Variants in SPOCK3 observed in about 807,000 individuals in gnomAD.
SPOCK3 encodes the protein testican-3.
In SPOCK3, 30 loss-of-function variants were observed where a neutral mutation model predicts 56.6. That is an observed-to-expected ratio of 0.53 (90% CI 0.40 to 0.72). The LOEUF (loss-of-function observed/expected upper bound fraction) is 0.72. SPOCK3 is among the 30% of genes least tolerant of loss of function. SPOCK3 has a pLI of 0.00. For missense variants in SPOCK3, 527 were observed against 530.0 expected (o/e 0.99, Z 0.06); for synonymous variants, 196 against 183.3 (o/e 1.07, Z -0.56).
intron 3 of SPOCK3, among the ~76,000 whole-genome samples, chr4:167,015,303 T>C (rs71620411): frequency 0.026 from 4,031 of 152,190 alleles, 83 homozygotes; most frequent in Middle Eastern, 0.061. Flanking sequence ...ACTCTAAAAA[T>C]GAAAAGAGGC....
At chr4:166,909,329 A>T (rs1242272381) in intron 5 of SPOCK3, among the ~76,000 whole-genome samples, 1 of 152,020 alleles carries the variant, frequency 6.6e-6, no homozygotes, top group African/African-American at 2.4e-5. Context: ...TCATTTGGCT[A>T]AAGTCTTTCT....
rs182871606 is a variant in SPOCK3 at position 166,847,521 on chromosome 4, T to C, written c.589+41609A>G. Among the ~76,000 whole-genome samples the C allele has an allele frequency of 3.1e-3, 463 of 151,460 alleles. 3 individuals are homozygous for C. Among genetic ancestry groups the C allele is most frequent in the African/African-American group, 0.011 (441 of 41,408 alleles). On this transcript the variant is annotated intron_variant, in intron 6 of 10. Transcript: ENST00000357545. The stretch of plus-strand genomic sequence containing the variant: ...ATACCTGGACACAGTGTTGTGATGG[T>C]ATGAGCAGCACTGGAGATTATGCTC...
intron 1 of SPOCK3, 25 bp from the exon 2 acceptor site, chr4:167,234,198 G>T (rs753988525): frequency 1.9e-6 from 3 of 1,610,584 alleles, no homozygotes; most frequent in East Asian, 2.2e-5. Flanking sequence ...ACAACGGGGG[G>T]TGGGGGGGCA....
rs377264915 is a variant in SPOCK3 at position 166,939,934 on chromosome 4, T to C, written c.351-27191A>G. Among the ~76,000 whole-genome samples, 170 of 152,342 alleles carry C rather than the reference T, an allele frequency of 1.1e-3. 1 individual carries two copies. In the Middle Eastern group the frequency reaches 0.024, roughly 21 times the overall value. ...AGAAACACATAAGGCAAAAATTCTT[T>C]AGTTGAGTTACTTTTTTCCAGGTTT... On this transcript the variant is annotated intron_variant, in intron 4 of 10. Transcript: ENST00000357545.
At chr4:167,134,882 T>C (rs1187559954) in intron 2 of SPOCK3, among the ~76,000 whole-genome samples, 1 of 151,994 alleles carries the variant, frequency 6.6e-6, no homozygotes, top group Non-Finnish European at 1.5e-5. Context: ...ATTAATAAAA[T>C]GAACAGTCAA....
intron 4 of SPOCK3, among the ~76,000 whole-genome samples, chr4:166,984,727 G>A (rs1171381266): frequency 6.6e-6 from 1 of 152,084 alleles, no homozygotes; most frequent in Non-Finnish European, 1.5e-5. Context: ...TTCTAAGACA[G>A]TTCAAAATTC....
chr4:166,784,039 C>T (rs912225274), intron 7 of SPOCK3, among the ~76,000 whole-genome samples: 3 of 151,944 alleles, frequency 2.0e-5, no homozygotes, highest in African/African-American at 4.8e-5. Flanking sequence ...AATTGCTTAA[C>T]ACCCTACATG....
At chr4:166,869,608 G>C (rs1216103803) in intron 6 of SPOCK3, among the ~76,000 whole-genome samples, 4 of 92,396 alleles carry the variant, frequency 4.3e-5, no homozygotes, top group Admixed American at 9.4e-5. Flanking sequence ...ATAGAATTCT[G>C]TGTGTGTGTG....
At chr4:166,764,251 T>A (rs1226284695) in intron 7 of SPOCK3, among the ~76,000 whole-genome samples, 1 of 152,178 alleles carries the variant, frequency 6.6e-6, no homozygotes, top group African/African-American at 2.4e-5. Context: ...GCAGGTTTGT[T>A]ACATATGTAT....
intron 6 of SPOCK3, among the ~76,000 whole-genome samples, chr4:166,867,401 A>T (rs1199824766): frequency 6.6e-6 from 1 of 151,982 alleles, no homozygotes; most frequent in African/African-American, 2.4e-5. Context: ...ATTTAAAATT[A>T]TAGGATATAA....
chr4:167,123,982 T>A (rs1762080868), intron 2 of SPOCK3, among the ~76,000 whole-genome samples: 1 of 152,020 alleles, frequency 6.6e-6, no homozygotes, highest in Non-Finnish European at 1.5e-5. Context: ...CCTGACCTCG[T>A]GATCTGCCTG....
chr4:167,224,542 T>G (rs1403681389), intron 2 of SPOCK3, among the ~76,000 whole-genome samples: 1 of 152,238 alleles, frequency 6.6e-6, no homozygotes, highest in African/African-American at 2.4e-5. Flanking sequence ...TAGCCATGTA[T>G]ACCAAATGTA....
intron 2 of SPOCK3, among the ~76,000 whole-genome samples, chr4:167,099,359 T>C (rs200165744): frequency 7.9e-5 from 12 of 151,920 alleles, no homozygotes; most frequent in Admixed American, 6.6e-5. Context: ...GAAGTGGCTG[T>C]AAAGGCACAA....
chr4:167,009,499 T>C (rs2150141971), intron 3 of SPOCK3, among the ~76,000 whole-genome samples: 1 of 152,232 alleles, frequency 6.6e-6, no homozygotes, highest in African/African-American at 2.4e-5. Flanking sequence ...GTAAAAAAAT[T>C]CAAGCTCATA....
At chr4:166,839,871 AC>A (rs1410732320) in intron 6 of SPOCK3, among the ~76,000 whole-genome samples, 1 of 151,800 alleles carries the variant, frequency 6.6e-6, no homozygotes, top group Non-Finnish European at 1.5e-5. Context: ...TCCCCAGAAA[AC>A]CCCCATAAAA....
Position 167,065,580 on chromosome 4 carries a change from T to C in SPOCK3, c.190-3043A>G, listed in dbSNP as rs942661208. On this transcript the variant is annotated intron_variant, in intron 2 of 10. Transcript: ENST00000357545. ...CTGGCCACTGTGGGGATCAGACATA[T>C]ATATGATGGAAATGCAAAGTAGTCC... 4.0e-5 allele frequency among the ~76,000 whole-genome samples: 6 copies of C among 151,888 alleles called. No individual in the cohort carries two copies. The East Asian group carries it at 5.8e-4, about 15-fold the overall frequency.
chr4:166,967,440 C>T (rs976800345), intron 4 of SPOCK3, among the ~76,000 whole-genome samples: 2 of 152,136 alleles, frequency 1.3e-5, no homozygotes, highest in Non-Finnish European at 2.9e-5. Context: ...GTGATTGGAT[C>T]ATGGGGGCAG....
At chr4:166,898,124 C>T (rs997065782) in intron 5 of SPOCK3, among the ~76,000 whole-genome samples, 6 of 152,062 alleles carry the variant, frequency 3.9e-5, no homozygotes, top group African/African-American at 1.2e-4. Flanking sequence ...CACTGAGCCC[C>T]GGAATTCCAG....
chr4:167,205,880 A>AT, intron 2 of SPOCK3, among the ~76,000 whole-genome samples: 2 of 151,600 alleles, frequency 1.3e-5, no homozygotes, highest in Non-Finnish European at 1.5e-5. Flanking sequence ...AAGTGCTGGG[A>AT]TTACAGGCAT....
Sources: allele counts gnomAD v4.1 joint callset (sites outside exome capture counted in the v4.1 genomes callset), GRCh38; gene constraint gnomAD v4.1.1; transcripts MANE v1.5; gene names NCBI Gene and HGNC (gene_info 2026-07-23, HGNC 2026-07-21).